The following CDK6 variants were observed in gnomAD, a reference collection of about 807,000 sequenced individuals.
CDK6 encodes cyclin dependent kinase 6, also known as cyclin-dependent kinase 6.
A neutral mutation model predicts 37.1 loss-of-function variants in CDK6; 6 were observed. The ratio of observed to expected loss-of-function variants is 0.16; its 90% CI spans 0.09 to 0.32. The LOEUF is 0.32. Among genes scored for constraint, CDK6 ranks in the 10% least tolerant of loss-of-function variants. The pLI is 1.00. For synonymous variants in CDK6, 160 were observed against 161.3 expected (o/e 0.99, Z 0.06); for missense variants, 224 against 418.9 (o/e 0.53, Z 4.06).
At chr7:92,621,213 GTAATGCA>G (rs1795799266) in intron 6 of CDK6, among the ~76,000 whole-genome samples, 1 of 152,186 alleles carries the variant, frequency 6.6e-6, no homozygotes, top group South Asian at 2.1e-4. Context: ...CTCTGGCAAG[GTAATGCA>G]TTCAGAGGAA....
chr7:92,697,966 G>A (rs886575769), intron 4 of CDK6, among the ~76,000 whole-genome samples: 13 of 152,076 alleles, frequency 8.5e-5, no homozygotes, highest in Admixed American at 2.6e-4. Flanking sequence ...ACAGGCTACA[G>A]GATCCATATT....
At position 92,783,472 on chromosome 7, in the gene CDK6, T is replaced by C. The variant is rs2237576; in HGVS notation, c.234-8641A>G. On this transcript the variant is annotated intron_variant, in intron 2 of 7. Coordinates refer to ENST00000424848, the MANE Select transcript of CDK6 (RefSeq NM_001145306.2). ...CTGACAAGGGAAGGCAAAATCAACA[T>C]TGCTTATTTACTAAATCATTTTATT... 5.6e-3 allele frequency among the ~76,000 whole-genome samples: 848 copies of C among 152,312 alleles called. 26 individuals are homozygous for C. Among genetic ancestry groups the C allele is most frequent in the Admixed American group, 0.044 (678 of 15,298 alleles).
At chr7:92,728,510 C>G (rs1661087690) in intron 3 of CDK6, among the ~76,000 whole-genome samples, 1 of 152,044 alleles carries the variant, frequency 6.6e-6, no homozygotes, top group Non-Finnish European at 1.5e-5. Context: ...TGGTTTTTCA[C>G]CCTGGGACAT....
At chr7:92,745,740 C>T (rs985963167) in intron 3 of CDK6, among the ~76,000 whole-genome samples, 2 of 152,262 alleles carry the variant, frequency 1.3e-5, no homozygotes, top group African/African-American at 4.8e-5. Flanking sequence ...TTTCCAGGAA[C>T]CTGTGTTGCT....
intron 3 of CDK6, among the ~76,000 whole-genome samples, chr7:92,759,564 CA>C (rs1562957416): frequency 1.3e-5 from 2 of 151,582 alleles, no homozygotes; most frequent in Non-Finnish European, 2.9e-5. Context: ...GGGGCATTAC[CA>C]AAACTATGGG....
At chr7:92,732,653 A>G (rs1214221157) in intron 3 of CDK6, among the ~76,000 whole-genome samples, 1 of 152,206 alleles carries the variant, frequency 6.6e-6, no homozygotes, top group Admixed American at 6.5e-5. Context: ...GTCCAGGCCA[A>G]TGAAGGCAAT....
chr7:92,638,915 A>G (rs1009606960), intron 5 of CDK6, among the ~76,000 whole-genome samples: 9 of 152,296 alleles, frequency 5.9e-5, no homozygotes, highest in Non-Finnish European at 1.2e-4. Context: ...TTAGAAATAA[A>G]TGTGAAAAAA....
chr7:92,817,586 GAACAAGCCA>G (rs559046774), intron 2 of CDK6, among the ~76,000 whole-genome samples: 32 of 151,746 alleles, frequency 2.1e-4, no homozygotes, highest in African/African-American at 7.7e-4. Flanking sequence ...TTATTATTGG[GAACAAGCCA>G]AAAACATCTG....
intron 3 of CDK6, among the ~76,000 whole-genome samples, chr7:92,738,413 G>A (rs920156486): frequency 9.9e-5 from 15 of 152,190 alleles, no homozygotes; most frequent in African/African-American, 3.6e-4. Context: ...GCCATGGCAG[G>A]CAGATCATCT....
chr7:92,655,523 A>G (rs796756180), intron 5 of CDK6, among the ~76,000 whole-genome samples: 1 of 152,356 alleles, frequency 6.6e-6, no homozygotes, highest in African/African-American at 2.4e-5. Flanking sequence ...CAGATAAAGC[A>G]ATTGGCTTCC....
chr7:92,712,834 CTATG>C (rs4015287), intron 4 of CDK6, among the ~76,000 whole-genome samples: 13,843 of 146,342 alleles, frequency 0.095, 636 homozygotes, highest in Admixed American at 0.11. Context: ...GACATTAATC[CTATG>C]TATGTATGTA....
chr7:92,707,311 G>T (rs183584038), intron 4 of CDK6, among the ~76,000 whole-genome samples: 1 of 152,216 alleles, frequency 6.6e-6, no homozygotes, highest in African/African-American at 2.4e-5. Flanking sequence ...CTTATTTAAG[G>T]TCACACAGCT....
At chr7:92,817,060 TCAAAA>T (rs1322924863) in intron 2 of CDK6, among the ~76,000 whole-genome samples, 1 of 151,968 alleles carries the variant, frequency 6.6e-6, no homozygotes, top group Non-Finnish European at 1.5e-5. Context: ...AATAACCTAC[TCAAAA>T]ATAAATGCTA....
At chr7:92,738,844 C>T (rs186106953) in intron 3 of CDK6, among the ~76,000 whole-genome samples, 201 of 148,364 alleles carry the variant, frequency 1.4e-3, no homozygotes, top group African/African-American at 5.0e-3. Flanking sequence ...TTTTCTTAAA[C>T]GTGCGCCTCT....
At chr7:92,694,238 TTGCAAAAAAGTAA>T (rs1797659314) in intron 4 of CDK6, among the ~76,000 whole-genome samples, 1 of 152,150 alleles carries the variant, frequency 6.6e-6, no homozygotes, top group African/African-American at 2.4e-5. Context: ...ATTTATTACT[TTGCAAAAAAGTAA>T]TTTTATATTG....
chr7:92,721,624 G>C (rs1798366527), intron 4 of CDK6, among the ~76,000 whole-genome samples: 1 of 152,154 alleles, frequency 6.6e-6, no homozygotes, highest in Non-Finnish European at 1.5e-5. Context: ...TGTCATGTTG[G>C]AGGCAGCCTG....
chr7:92,617,363 G>GGAGAA (rs1795704346), intron 7 of CDK6, among the ~76,000 whole-genome samples: 1 of 152,172 alleles, frequency 6.6e-6, no homozygotes, highest in African/African-American at 2.4e-5. Context: ...TGAGACACAT[G>GGAGAA]GAGAAGACCT....
chr7:92,698,871 T>C (rs1797778854), intron 4 of CDK6, among the ~76,000 whole-genome samples: 3 of 152,190 alleles, frequency 2.0e-5, no homozygotes. Flanking sequence ...CTCTTAATAT[T>C]CATGTAATTA....
chr7:92,696,253 G>A (rs189821625), intron 4 of CDK6, among the ~76,000 whole-genome samples: 14 of 152,278 alleles, frequency 9.2e-5, no homozygotes, highest in South Asian at 6.2e-4. Context: ...CTGACTAGAA[G>A]AATGGTGCTT....
Sources: allele counts gnomAD v4.1 joint callset (sites outside exome capture counted in the v4.1 genomes callset), GRCh38; gene constraint gnomAD v4.1.1; transcripts MANE v1.5; gene names NCBI Gene and HGNC (gene_info 2026-07-23, HGNC 2026-07-21).